Variants in GSG1L observed in about 807,000 individuals in gnomAD.
GSG1L encodes the protein GSG1 like.
Under a neutral mutation model 42.1 loss-of-function variants are expected in GSG1L, and 24 were observed. That is an observed-to-expected ratio of 0.57 (90% CI 0.41 to 0.80). The LOEUF is 0.80. Ranked by LOEUF, GSG1L falls within the 30% of genes least tolerant of loss-of-function variation. The pLI is 0.00. For missense variants in GSG1L, 445 were observed against 472.2 expected (o/e 0.94, Z 0.53); for synonymous variants, 215 against 203.5 (o/e 1.06, Z -0.48).
chr16:28,045,426 A>G (rs1348027617), intron 1 of GSG1L, among the ~76,000 whole-genome samples: 2 of 152,240 alleles, frequency 1.3e-5, no homozygotes, highest in Admixed American at 1.3e-4. Flanking sequence ...CTGTAATTCC[A>G]GCACTGTGGG....
At chr16:28,001,422 G>A (rs1209818036) in intron 1 of GSG1L, among the ~76,000 whole-genome samples, 2 of 152,240 alleles carry the variant, frequency 1.3e-5, no homozygotes, top group African/African-American at 4.8e-5. Context: ...CAGCTACAGC[G>A]TACAGCTTGA....
chr16:27,904,834 G>T (rs981850591), intron 2 of GSG1L, among the ~76,000 whole-genome samples: 1 of 152,148 alleles, frequency 6.6e-6, no homozygotes, highest in Non-Finnish European at 1.5e-5. Context: ...CTCTGCTTCC[G>T]TGTCAAGAAA....
intron 1 of GSG1L, among the ~76,000 whole-genome samples, chr16:28,001,666 C>G (rs2085579306): frequency 6.6e-6 from 1 of 152,152 alleles, no homozygotes; most frequent in Non-Finnish European, 1.5e-5. Flanking sequence ...GAATCATAGT[C>G]CCTTACTGAA....
At chr16:28,004,371 T>G (rs1596691923) in intron 1 of GSG1L, among the ~76,000 whole-genome samples, 2 of 145,990 alleles carry the variant, frequency 1.4e-5, no homozygotes, top group South Asian at 2.2e-4. Context: ...AGGAAGGAGG[T>G]GAGGGACTTC....
intron 1 of GSG1L, among the ~76,000 whole-genome samples, chr16:28,055,221 T>A (rs1269363665): frequency 6.6e-6 from 1 of 152,198 alleles, no homozygotes; most frequent in African/African-American, 2.4e-5. Flanking sequence ...AGTGACACGA[T>A]GACAGCTCAC....
chr16:28,060,724 A>C (rs2086330981), intron 1 of GSG1L, among the ~76,000 whole-genome samples: 1 of 152,118 alleles, frequency 6.6e-6, no homozygotes, highest in Non-Finnish European at 1.5e-5. Flanking sequence ...CCTCATCTGA[A>C]AAAGCAAGTA....
At chr16:27,883,106 A>G (rs1211943912) in intron 3 of GSG1L, among the ~76,000 whole-genome samples, 1 of 121,706 alleles carries the variant, frequency 8.2e-6, no homozygotes, top group African/African-American at 3.1e-5. Flanking sequence ...GCAACAAAGC[A>G]AGACCCAATC....
rs2082734383 is a variant in GSG1L at position 27,789,985 on chromosome 16, G to A, written c.*1385C>T. 6.9e-6 allele frequency: 1 copy of A among 145,156 alleles called. No individual in the cohort carries two copies. The highest frequency in any genetic ancestry group is 2.2e-4 in the South Asian group (1 of 4,460). The allele number at this position is 145,156 out of a possible 1,614,324, so 9.0% of individuals were successfully genotyped here. ...TGGACAATGGACAATAGCTGGATGA[G>A]TGATAGATGCTGGATGGATGGATGG... is the stretch of plus-strand genomic sequence containing the variant. On this transcript the variant is annotated 3_prime_UTR_variant, in exon 7 of 7. Transcript: ENST00000447459.
intron 2 of GSG1L, among the ~76,000 whole-genome samples, chr16:27,948,238 G>A (rs192495566): frequency 1.4e-4 from 21 of 152,320 alleles, no homozygotes; most frequent in Non-Finnish European, 2.8e-4. Context: ...GAAAGATGAT[G>A]TAAACTACCT....
rs35672057 is a variant in GSG1L, at chr16:27,979,663, G to GAAAGAAAGAAAGAAAGAAAGAAAGAA, written c.350-16461_350-16460insTTCTTTCTTTCTTTCTTTCTTTCTTT. The stretch of plus-strand genomic sequence containing the variant: ...GAGGGGAAAGAAAGAAAGAAAGAAA[G>GAAAGAAAGAAAGAAAGAAAGAAAGAA]AGAGAGAGAGAGAGAGAAAGAAAGA... On this transcript the variant is annotated intron_variant, in intron 1 of 6. Coordinates refer to ENST00000447459, the MANE Select transcript of GSG1L (RefSeq NM_001109763.2). Among the ~76,000 whole-genome samples the GAAAGAAAGAAAGAAAGAAAGAAAGAA allele has an allele frequency of 3.8e-3, 315 of 83,822 alleles. 9 individuals are homozygous for GAAAGAAAGAAAGAAAGAAAGAAAGAA. Among genetic ancestry groups the GAAAGAAAGAAAGAAAGAAAGAAAGAA allele is most frequent in the Middle Eastern group, 0.014 (2 of 148 alleles). The allele number at this position is 83,822 out of a possible 152,430, so 55.0% of individuals were successfully genotyped here. A position where few individuals can be genotyped will look rare whatever the true frequency, so the allele number is the denominator to read the frequency against.
intron 2 of GSG1L, among the ~76,000 whole-genome samples, chr16:27,900,741 T>A (rs576247182): frequency 1.3e-5 from 2 of 151,892 alleles, no homozygotes; most frequent in African/African-American, 4.8e-5. Flanking sequence ...TTACTCCTAA[T>A]GATGTTTTTC....
chr16:28,006,654 C>G (rs1268785387), intron 1 of GSG1L, among the ~76,000 whole-genome samples: 1 of 152,114 alleles, frequency 6.6e-6, no homozygotes, highest in African/African-American at 2.4e-5. Context: ...TGGATTCCGG[C>G]CTGCAGAACT....
chr16:28,029,530 G>GAGAT (rs71389521), intron 1 of GSG1L, among the ~76,000 whole-genome samples: 7 of 149,358 alleles, frequency 4.7e-5, no homozygotes, highest in Admixed American at 4.7e-4. Context: ...GGTGCATGAA[G>GAGAT]GGATGGATGG....
chr16:27,821,891 G>T (rs1238552409), intron 5 of GSG1L, among the ~76,000 whole-genome samples: 1 of 147,538 alleles, frequency 6.8e-6, no homozygotes, highest in African/African-American at 2.6e-5. Context: ...GTGACTGAGC[G>T]AGAGTGTCTC....
Position 27,978,690 on chromosome 16 carries a change from C to CAAAA in GSG1L, c.350-15491_350-15488dup, listed in dbSNP as rs11409403. 1.6e-3 allele frequency among the ~76,000 whole-genome samples: 145 copies of CAAAA among 90,082 alleles called. 1 individual carries two copies. The highest frequency in any genetic ancestry group is 8.8e-3 in the East Asian group (29 of 3,278). The allele number at this position is 90,082 out of a possible 152,430, so 59.1% of individuals were successfully genotyped here. On this transcript the variant is annotated intron_variant, in intron 1 of 6. Coordinates refer to ENST00000447459, the MANE Select transcript of GSG1L (RefSeq NM_001109763.2). ...TGGGTGACAGAGCAAGACTCCATCT[C>CAAAA]AAAAAAAAAAAAAAAAAATCAAATC...
At chr16:28,022,181 G>T (rs752874147) in intron 1 of GSG1L, among the ~76,000 whole-genome samples, 2 of 152,194 alleles carry the variant, frequency 1.3e-5, no homozygotes, top group Non-Finnish European at 2.9e-5. Context: ...AAAGATGGGG[G>T]TAGGAGGTAC....
At chr16:28,061,615 A>T (rs2086342677) in intron 1 of GSG1L, among the ~76,000 whole-genome samples, 3 of 152,184 alleles carry the variant, frequency 2.0e-5, no homozygotes, top group African/African-American at 7.2e-5. Context: ...AGTGAACAAG[A>T]CCAACCGGGC....
chr16:28,029,844 A>T (rs1033378732), intron 1 of GSG1L, among the ~76,000 whole-genome samples: 1 of 152,206 alleles, frequency 6.6e-6, no homozygotes, highest in Non-Finnish European at 1.5e-5. Flanking sequence ...CAACTACACA[A>T]CACTCTCAAA....
At chr16:27,970,942 T>G (rs887390830) in intron 1 of GSG1L, among the ~76,000 whole-genome samples, 1 of 152,234 alleles carries the variant, frequency 6.6e-6, no homozygotes, top group Non-Finnish European at 1.5e-5. Context: ...CTTGGCACAC[T>G]TGCCAAAAAT....
Sources: allele counts gnomAD v4.1 joint callset (sites outside exome capture counted in the v4.1 genomes callset), GRCh38; gene constraint gnomAD v4.1.1; transcripts MANE v1.5; gene names NCBI Gene and HGNC (gene_info 2026-07-23, HGNC 2026-07-21).